FRYL: variants seen among roughly 807,000 people sequenced by gnomAD.
The protein encoded by FRYL is FRY like transcription coactivator.
A neutral mutation model predicts 351.2 loss-of-function variants in FRYL; 150 were observed. That is an observed-to-expected ratio of 0.43 (90% CI 0.37 to 0.49). The LOEUF is 0.49. FRYL is among the 20% of genes least tolerant of loss of function. The probability of loss-of-function intolerance (pLI) is 0.00; values close to 1 mark genes in which losing one functional copy is unlikely to be tolerated. For missense variants in FRYL, 3,036 were observed against 3,619.3 expected, an observed-to-expected ratio of 0.84 and a Z score of 4.13; for synonymous variants, 1,153 against 1,257.1, an observed-to-expected ratio of 0.92 and a Z score of 1.75.
At chr4:48,580,593 T>C (rs1321735208) in intron 22 of FRYL, 2 of 373,784 alleles carry the variant, frequency 5.4e-6, no homozygotes, top group East Asian at 7.9e-5. Flanking sequence ...AGCATAAAGA[T>C]TCCATTTAAC....
intron 1 of FRYL, among the ~76,000 whole-genome samples, chr4:48,764,530 C>CAAAAAAAAAA: frequency 1.0e-5 from 1 of 100,284 alleles, no homozygotes; most frequent in Non-Finnish European, 2.1e-5. Flanking sequence ...GACTCTGTTT[C>CAAAAAAAAAA]AAAAAAAAAG....
intron 2 of FRYL, among the ~76,000 whole-genome samples, chr4:48,705,089 C>G (rs1767171602): frequency 6.6e-6 from 1 of 152,134 alleles, no homozygotes; most frequent in African/African-American, 2.4e-5. Flanking sequence ...CCACTGCACT[C>G]CAGCCTGGGT....
In FRYL at chr4:48,499,365, T is replaced by G; in HGVS notation, c.*57A>C. 6.6e-7 allele frequency: 1 copy of G among 1,523,300 alleles called. No homozygotes were observed. The highest frequency in any genetic ancestry group is 9.1e-7 in the Non-Finnish European group (1 of 1,103,668). 94.4% of individuals were successfully genotyped at this position (1,523,300 alleles called of 1,614,324 possible). On this transcript the variant is annotated 3_prime_UTR_variant, in exon 64 of 64. Coordinates refer to ENST00000358350, the MANE Select transcript of FRYL (RefSeq NM_015030.2). The stretch of plus-strand genomic sequence containing the variant: ...AATGCAAGGGTCCATAAAAGGTGCT[T>G]GGTTAATATTCTTCATCATCTTCAG...
intron 26 of FRYL, among the ~76,000 whole-genome samples, chr4:48,571,341 C>A (rs923726802): frequency 1.3e-5 from 2 of 152,146 alleles, no homozygotes; most frequent in Non-Finnish European, 2.9e-5. Context: ...TTCTACACAA[C>A]AATTTTGGCA....
At chr4:48,592,015 G>A (rs1743360500) in intron 16 of FRYL, among the ~76,000 whole-genome samples, 3 of 148,306 alleles carry the variant, frequency 2.0e-5, no homozygotes, top group Admixed American at 2.0e-4. Flanking sequence ...GGTCTCTCAA[G>A]TGGGGTACAC....
At chr4:48,674,492 C>T (rs1353707654) in intron 3 of FRYL, among the ~76,000 whole-genome samples, 1 of 151,942 alleles carries the variant, frequency 6.6e-6, no homozygotes, top group African/African-American at 2.4e-5. Context: ...AAAATTGCAA[C>T]ATAGGGAGGC....
chr4:48,572,773 C>A (rs1269380829), intron 26 of FRYL, among the ~76,000 whole-genome samples: 12 of 152,196 alleles, frequency 7.9e-5, no homozygotes, highest in Non-Finnish European at 1.6e-4. Context: ...ATCCCATGGG[C>A]CAAATCTGGC....
At chr4:48,527,355 T>C (rs568192821) in intron 53 of FRYL, 122 bp downstream of exon 53, 5 of 593,358 alleles carry the variant, frequency 8.4e-6, no homozygotes, top group African/African-American at 5.7e-5. Flanking sequence ...ATTTAATTCC[T>C]AATTTAGATT....
chr4:48,659,846 A>G lies in FRYL; in HGVS notation c.-81+24827T>C, dbSNP rs796399558. The stretch of plus-strand genomic sequence containing the variant: ...GAGGGAGAAGGAGAAGAGGGAGAAG[A>G]AGAAGGAGAAGGAGAAGGAGAAGGA... On this transcript the variant is annotated intron_variant, in intron 3 of 63. Coordinates refer to ENST00000358350, the MANE Select transcript of FRYL (RefSeq NM_015030.2). 4.5e-3 allele frequency among the ~76,000 whole-genome samples: 3 copies of G among 664 alleles called. 1 individual carries two copies. The highest frequency in any genetic ancestry group is 0.2 in the Non-Finnish European group (2 of 10). 0.4% of individuals were successfully genotyped at this position (664 alleles called of 152,430 possible). A position where few individuals can be genotyped will look rare whatever the true frequency, so the allele number is the denominator to read the frequency against.
At chr4:48,524,432 T>C (rs182348727) in intron 53 of FRYL, among the ~76,000 whole-genome samples, 2 of 152,148 alleles carry the variant, frequency 1.3e-5, no homozygotes, top group African/African-American at 4.8e-5. Flanking sequence ...AAACACATAA[T>C]GGCAACAGCA....
At chr4:48,634,250 G>A (rs1439287683) in intron 4 of FRYL, 41 bp downstream of exon 4, 2 of 1,449,916 alleles carry the variant, frequency 1.4e-6, no homozygotes, top group African/African-American at 1.4e-5. Context: ...TAATACAAAA[G>A]TCAAGAAAAT....
intron 1 of FRYL, among the ~76,000 whole-genome samples, chr4:48,776,158 T>G (rs988102217): frequency 1.3e-5 from 2 of 151,246 alleles, no homozygotes; most frequent in Non-Finnish European, 3.0e-5. Context: ...GTTTCTTTTT[T>G]TTTTTTTTAA....
Position 48,579,004 on chromosome 4 carries a change from G to T in FRYL, c.2497C>A (p.Leu833Ile), listed in dbSNP as rs746235682. ...TCGACCTGAGGGGACAACAACTGAA[G>T]TCTTGTGTATGCAAACATCCAAGCA... The part of the protein sequence containing the change: ...SYAWMFAYTR[L>I]QLLSPQVDIN... Residue 833 changes from leucine (L) to isoleucine (I), a missense_variant, in exon 23 of 64, where the codon CTT becomes ATT. Leu to Ile is a conservative substitution (Grantham distance 5). This residue lies in a region of FRYL where 492 missense variants were observed against 551.5 expected (regional missense o/e 0.89). Coordinates refer to ENST00000358350, the MANE Select transcript of FRYL (RefSeq NM_015030.2). 1 of 1,612,776 alleles carries T rather than the reference G, an allele frequency of 6.2e-7. No individual in the cohort carries two copies. Among genetic ancestry groups the T allele is most frequent in the Non-Finnish European group, 8.5e-7 (1 of 1,179,510 alleles).
chr4:48,572,471 C>T (rs1301973787), intron 26 of FRYL, among the ~76,000 whole-genome samples: 1 of 152,188 alleles, frequency 6.6e-6, no homozygotes, highest in Non-Finnish European at 1.5e-5. Flanking sequence ...TTTGCAAATG[C>T]TGTTCTTTGC....
chr4:48,573,267 C>T, intron 25 of FRYL, 24 bp from the exon 26 acceptor site: 1 of 1,410,778 alleles, frequency 7.1e-7, no homozygotes, highest in Non-Finnish European at 1.0e-6. Flanking sequence ...GGTACATATT[C>T]TATTAATAGC....
At chr4:48,643,762 T>C (rs996536526) in intron 3 of FRYL, among the ~76,000 whole-genome samples, 8 of 152,050 alleles carry the variant, frequency 5.3e-5, no homozygotes, top group African/African-American at 1.9e-4. Flanking sequence ...ATAAAATTGG[T>C]AGAAATAAAT....
intron 17 of FRYL, 58 bp downstream of exon 17, chr4:48,590,601 T>G: frequency 7.8e-7 from 1 of 1,278,594 alleles, no homozygotes; most frequent in Non-Finnish European, 1.1e-6. Flanking sequence ...TGATCAGACT[T>G]TTATAAAAGA....
intron 32 of FRYL, 86 bp downstream of exon 32, chr4:48,562,803 A>C (rs1252274420): frequency 2.6e-6 from 2 of 758,094 alleles, no homozygotes; most frequent in Non-Finnish European, 4.6e-6. Context: ...AAATACTATT[A>C]TCAGTATGCT....
chr4:48,669,798 A>G (rs1213460521), intron 3 of FRYL, among the ~76,000 whole-genome samples: 2 of 151,962 alleles, frequency 1.3e-5, no homozygotes, highest in Non-Finnish European at 2.9e-5. Context: ...AAAGCCAAGG[A>G]AATAAAGATC....
Sources: allele counts gnomAD v4.1 joint callset (sites outside exome capture counted in the v4.1 genomes callset), GRCh38; gene constraint gnomAD v4.1.1; regional missense constraint gnomAD v4.1.1; transcripts MANE v1.5; gene names NCBI Gene and HGNC (gene_info 2026-07-23, HGNC 2026-07-21).